NELL1: variants seen among roughly 807,000 people sequenced by gnomAD.
NELL1 encodes protein kinase C-binding protein NELL1.
In NELL1, 76 loss-of-function variants were observed where a neutral mutation model predicts 107.4. The observed-to-expected ratio is 0.71, with a 90% CI of 0.59 to 0.86. The LOEUF (loss-of-function observed/expected upper bound fraction) is 0.86, where lower values mean the gene tolerates loss of function less well. Ranked by LOEUF, NELL1 falls within the 40% of genes least tolerant of loss-of-function variation. The pLI is 0.00. For synonymous variants in NELL1, 353 were observed against 341.2 expected (o/e 1.03, Z -0.38); for missense variants, 1,024 against 1,005.5 (o/e 1.02, Z -0.25).
At chr11:20,714,895 C>A (rs950279261) in intron 2 of NELL1, among the ~76,000 whole-genome samples, 3 of 152,000 alleles carry the variant, frequency 2.0e-5, no homozygotes, top group African/African-American at 7.3e-5. Context: ...TAAGAAAATT[C>A]GTGCATTTAA....
At chr11:20,858,221 C>T (rs147531960) in intron 4 of NELL1, among the ~76,000 whole-genome samples, 1 of 152,206 alleles carries the variant, frequency 6.6e-6, no homozygotes, top group African/African-American at 2.4e-5. Context: ...CTGAGGTACC[C>T]CTAGACCCTG....
In NELL1 at chr11:21,324,675, C is replaced by T. The variant is rs1217127326; in HGVS notation, c.1550-46178C>T. Among the ~76,000 whole-genome samples, 3 of 151,956 alleles carry T rather than the reference C, an allele frequency of 2.0e-5. No individual in the cohort carries two copies. The East Asian group carries it at 5.8e-4, about 29-fold the overall frequency. On this transcript the variant is annotated intron_variant, in intron 14 of 19. Transcript: ENST00000357134. ...CAAAGGCTGCTCTCAAGCACCTTAC[C>T]GTTCAATGGAAATATTGAACTGGTA...
intron 14 of NELL1, among the ~76,000 whole-genome samples, chr11:21,331,196 A>G (rs1202707789): frequency 1.3e-5 from 2 of 151,944 alleles, no homozygotes; most frequent in Non-Finnish European, 2.9e-5. Flanking sequence ...TCATGTTCAT[A>G]TCTAGTCCTT....
Position 20,928,506 on chromosome 11 carries a change from G to A in NELL1, c.997+27G>A, listed in dbSNP as rs552409966. 4.4e-5 allele frequency: 68 copies of A among 1,540,730 alleles called. No individual in the cohort carries two copies. The South Asian group carries it at 7.4e-4, about 17-fold the overall frequency. ...TAAGTACTGACTGAGGGTCAGACTG[G>A]CTGTCTGTGTTTTGAGATTTATTTA... On this transcript the variant is annotated intron_variant, in intron 9 of 19. Coordinates refer to ENST00000357134, the MANE Select transcript of NELL1 (RefSeq NM_006157.5).
At chr11:21,028,932 T>C (rs193191456) in intron 12 of NELL1, among the ~76,000 whole-genome samples, 1 of 152,322 alleles carries the variant, frequency 6.6e-6, no homozygotes, top group East Asian at 1.9e-4. Flanking sequence ...CCTCTGGTGG[T>C]TTCTGGAATT....
At chr11:21,014,139 C>T (rs552705922) in intron 12 of NELL1, among the ~76,000 whole-genome samples, 24 of 152,156 alleles carry the variant, frequency 1.6e-4, no homozygotes, top group Admixed American at 6.5e-4. Flanking sequence ...AAGTTTGACT[C>T]AACTAAGTCA....
At chr11:21,337,205 C>A (rs1460418545) in intron 14 of NELL1, among the ~76,000 whole-genome samples, 1 of 152,012 alleles carries the variant, frequency 6.6e-6, no homozygotes, top group African/African-American at 2.4e-5. Flanking sequence ...ACTAGTCAGT[C>A]TATATAATTT....
intron 3 of NELL1, among the ~76,000 whole-genome samples, chr11:20,804,483 G>A (rs1857341646): frequency 6.6e-6 from 1 of 152,164 alleles, no homozygotes; most frequent in Non-Finnish European, 1.5e-5. Context: ...TGATGCACCT[G>A]CCTCAGCCTC....
chr11:20,739,932 C>T (rs959891451), intron 2 of NELL1, among the ~76,000 whole-genome samples: 1 of 152,138 alleles, frequency 6.6e-6, no homozygotes, highest in African/African-American at 2.4e-5. Flanking sequence ...CAAGCGCCAT[C>T]GTTATACCAG....
intron 5 of NELL1, among the ~76,000 whole-genome samples, chr11:20,886,320 TA>T (rs1849507775): frequency 6.6e-6 from 1 of 152,086 alleles, no homozygotes; most frequent in Non-Finnish European, 1.5e-5. Context: ...AAAATAAATT[TA>T]AAAACTTAAA....
intron 1 of NELL1, among the ~76,000 whole-genome samples, chr11:20,672,982 C>T (rs983345835): frequency 0.026 from 2,787 of 105,948 alleles, 489 homozygotes; most frequent in African/African-American, 0.1. Context: ...CCCCCCCCCC[C>T]CCCCCGAGTA....
At chr11:20,789,419 G>C (rs1003982018) in intron 3 of NELL1, among the ~76,000 whole-genome samples, 6 of 152,320 alleles carry the variant, frequency 3.9e-5, no homozygotes, top group Admixed American at 3.9e-4. Flanking sequence ...CCAGCACCGG[G>C]GAACACGGTG....
At chr11:20,882,048 A>C (rs1220811937) in intron 4 of NELL1, among the ~76,000 whole-genome samples, 1 of 152,234 alleles carries the variant, frequency 6.6e-6, no homozygotes, top group Non-Finnish European at 1.5e-5. Flanking sequence ...GCCAGATTTA[A>C]GTGACAGATC....
chr11:21,365,266 T>A (rs906978076), intron 14 of NELL1, among the ~76,000 whole-genome samples: 1 of 152,186 alleles, frequency 6.6e-6, no homozygotes, highest in African/African-American at 2.4e-5. Context: ...CAACACCCAG[T>A]ACATTATCTG....
chr11:20,674,734 T>C (rs1296553049), intron 1 of NELL1, among the ~76,000 whole-genome samples: 10 of 152,138 alleles, frequency 6.6e-5, no homozygotes, highest in Non-Finnish European at 1.5e-5. Context: ...GGCACTGTGT[T>C]CTCATTTGGG....
chr11:21,119,978 G>A (rs549325147), intron 13 of NELL1, among the ~76,000 whole-genome samples: 67 of 152,188 alleles, frequency 4.4e-4, no homozygotes, highest in African/African-American at 1.5e-3. Flanking sequence ...GTAACGGGTA[G>A]GCATTCATTT....
At chr11:21,516,701 TGTTGTATA>T (rs1855570075) in intron 15 of NELL1, among the ~76,000 whole-genome samples, 1 of 151,824 alleles carries the variant, frequency 6.6e-6, no homozygotes. Flanking sequence ...ATAGGATCAC[TGTTGTATA>T]CATGGTCTGT....
intron 2 of NELL1, among the ~76,000 whole-genome samples, chr11:20,709,377 C>G (rs868217013): frequency 5.9e-5 from 9 of 152,298 alleles, no homozygotes; most frequent in Middle Eastern, 6.8e-3. Flanking sequence ...TCTGGGTTCT[C>G]TATTCTGTTC....
chr11:21,490,708 G>A (rs57028069), intron 15 of NELL1, among the ~76,000 whole-genome samples: 3,860 of 151,710 alleles, frequency 0.025, 173 homozygotes, highest in African/African-American at 0.086. Flanking sequence ...GAAAGAACAC[G>A]GTCCTCAATA....
Sources: allele counts gnomAD v4.1 joint callset (sites outside exome capture counted in the v4.1 genomes callset), GRCh38; gene constraint gnomAD v4.1.1; transcripts MANE v1.5; gene names NCBI Gene and HGNC (gene_info 2026-07-23, HGNC 2026-07-21).